The following ACSL1 variants were observed in gnomAD, a reference collection of about 807,000 sequenced individuals.
The protein encoded by ACSL1 is long-chain-fatty-acid--CoA ligase 1.
In ACSL1, 41 loss-of-function variants were observed where a neutral mutation model predicts 98.4. The ratio of observed to expected loss-of-function variants is 0.42; its 90% CI spans 0.32 to 0.54. The LOEUF is 0.54. ACSL1 is among the 20% of genes least tolerant of loss of function. The probability of loss-of-function intolerance (pLI) is 0.13; values close to 1 mark genes in which losing one functional copy is unlikely to be tolerated. For synonymous variants in ACSL1, 316 were observed against 322.7 expected, an observed-to-expected ratio of 0.98 and a Z score of 0.22; for missense variants, 734 against 883.1, an observed-to-expected ratio of 0.83 and a Z score of 2.14.
chr4:184,820,644 A>G (rs1177121002), intron 1 of ACSL1, among the ~76,000 whole-genome samples: 1 of 151,950 alleles, frequency 6.6e-6, no homozygotes, highest in East Asian at 1.9e-4. Flanking sequence ...TCACTCTGTC[A>G]CCCAGGCTGG....
Position 184,825,375 on chromosome 4 carries a change from G to T in ACSL1, c.-33+541C>A. 1 of 461,484 alleles carries T rather than the reference G, an allele frequency of 2.2e-6. No individual in the cohort carries two copies. 28.6% of individuals were successfully genotyped at this position (461,484 alleles called of 1,614,324 possible). On this transcript the variant is annotated intron_variant, in intron 1 of 20. Transcript: ENST00000281455. This position sits in a 1 kb window ranked among gnomAD's most constrained non-coding sequence, Gnocchi z 4.7. Reference sequence around the variant, plus strand: ...GTCACCGAGAGAATGTCTGCCTCTGGCAGCGGCCTCTGAGCTGCCTGTGGG... The same window carrying T: ...GTCACCGAGAGAATGTCTGCCTCTGTCAGCGGCCTCTGAGCTGCCTGTGGG...
chr4:184,800,762 C>T (rs1579939730), intron 2 of ACSL1, among the ~76,000 whole-genome samples: 1 of 152,186 alleles, frequency 6.6e-6, no homozygotes. Flanking sequence ...TTTTTGGATT[C>T]TGTTCCTAAC....
At chr4:184,819,618 C>T (rs552250774) in intron 1 of ACSL1, among the ~76,000 whole-genome samples, 54 of 152,188 alleles carry the variant, frequency 3.5e-4, no homozygotes, top group African/African-American at 1.2e-3. Flanking sequence ...GACCCATTAA[C>T]CCCATGCCGC....
chr4:184,768,480 T>G (rs1417608631), intron 11 of ACSL1, 30 bp from the exon 12 acceptor site: 27 of 1,598,304 alleles, frequency 1.7e-5, no homozygotes, highest in Non-Finnish European at 2.2e-5. Flanking sequence ...AACAAACATT[T>G]TATCACCACA....
chr4:184,788,751 G>A lies in ACSL1; in HGVS notation c.196-20C>T. 1 of 1,603,128 alleles carries A rather than the reference G, an allele frequency of 6.2e-7. No individual in the cohort carries two copies. The highest frequency in any genetic ancestry group is 8.5e-7 in the Non-Finnish European group (1 of 1,170,140). On this transcript the variant is annotated intron_variant, in intron 2 of 20. Transcript: ENST00000281455. The stretch of plus-strand genomic sequence containing the variant: ...ACTACCCTATCAAAAAAGAAAGGGG[G>A]GCAGGTTAGAAGGCAGTGAAACATC...
intron 14 of ACSL1, among the ~76,000 whole-genome samples, 167 bp from the exon 15 acceptor site, chr4:184,765,092 G>A (rs964957444): frequency 6.6e-6 from 1 of 152,100 alleles, no homozygotes; most frequent in South Asian, 2.1e-4. Flanking sequence ...TGTGCTTTAC[G>A]CCAACACCAG....
Position 184,825,801 on chromosome 4 carries a change from C to G in ACSL1, c.-33+115G>C, listed in dbSNP as rs1210440819. 2 of 149,418 alleles carry G rather than the reference C, an allele frequency of 1.3e-5. No homozygotes were observed. The highest frequency in any genetic ancestry group is 3.0e-5 in the Non-Finnish European group (2 of 66,934). 9.3% of individuals were successfully genotyped at this position (149,418 alleles called of 1,614,324 possible). A position where few individuals can be genotyped will look rare whatever the true frequency, so the allele number is the denominator to read the frequency against. On this transcript the variant is annotated intron_variant, in intron 1 of 20. Coordinates refer to ENST00000281455, the MANE Select transcript of ACSL1 (RefSeq NM_001995.5). The surrounding 1 kb of genome is among the most constrained non-coding windows in gnomAD (Gnocchi z 4.7). ...GAGCCTGGGGTGGCTCACGCGCCTC[C>G]GCGGCGGCCGCTGCTCCGGGCTCGG...
chr4:184,779,226 T>G (rs1008496197), intron 5 of ACSL1, among the ~76,000 whole-genome samples: 1 of 152,158 alleles, frequency 6.6e-6, no homozygotes, highest in Non-Finnish European at 1.5e-5. Flanking sequence ...GGGAGGTAAT[T>G]GAATCATGGG....
intron 5 of ACSL1, 71 bp downstream of exon 5, chr4:184,780,261 C>T (rs1766016836): frequency 2.5e-5 from 33 of 1,301,868 alleles, no homozygotes; most frequent in Non-Finnish European, 3.4e-5. Flanking sequence ...AATCTGGTCT[C>T]TAGCAGAAGT....
rs749162391 is a variant in ACSL1 at position 184,803,529 on chromosome 4, A to G, written c.-15T>C. 1.8e-5 allele frequency: 27 copies of G among 1,505,352 alleles called. No homozygotes were observed. Among genetic ancestry groups the G allele is most frequent in the Non-Finnish European group, 2.4e-5 (27 of 1,120,986 alleles). The allele number at this position is 1,505,352 out of a possible 1,614,324, so 93.2% of individuals were successfully genotyped here. A position where few individuals can be genotyped will look rare whatever the true frequency, so the allele number is the denominator to read the frequency against. On this transcript the variant is annotated 5_prime_UTR_variant, in exon 2 of 21. Transcript: ENST00000281455. This position sits in a 1 kb window ranked among gnomAD's most constrained non-coding sequence, Gnocchi z 4.8. The stretch of plus-strand genomic sequence containing the variant: ...TGGGCTTGCATTGTCCTGTGTTGAT[A>G]GTTCTCTAAGCTGAATTCTGTTGGG...
Position 184,825,119 on chromosome 4 carries a change from G to C in ACSL1, c.-33+797C>G, listed in dbSNP as rs1773363887. ...ACTCTTAATTATGCTCCATAACCTTGAAATTGGACTGAGTGGGGAAGGGGT... is the reference window on the plus strand; with the variant it reads ...ACTCTTAATTATGCTCCATAACCTTCAAATTGGACTGAGTGGGGAAGGGGT... On this transcript the variant is annotated intron_variant, in intron 1 of 20. Coordinates refer to ENST00000281455, the MANE Select transcript of ACSL1 (RefSeq NM_001995.5). This position sits in a 1 kb window ranked among gnomAD's most constrained non-coding sequence, Gnocchi z 4.7. 2.1e-6 allele frequency: 2 copies of C among 943,502 alleles called. No individual in the cohort carries two copies. The highest frequency in any genetic ancestry group is 5.4e-4 in the Middle Eastern group (1 of 1,854). 58.4% of individuals were successfully genotyped at this position (943,502 alleles called of 1,614,324 possible).
In ACSL1 at chr4:184,825,355, C is replaced by G. The variant is rs1179378807; in HGVS notation, c.-33+561G>C. 6.9e-6 allele frequency: 4 copies of G among 575,578 alleles called. No homozygotes were observed. The African/African-American group carries it at 8.1e-5, about 12-fold the overall frequency. The allele number at this position is 575,578 out of a possible 1,614,324, so 35.7% of individuals were successfully genotyped here. A position where few individuals can be genotyped will look rare whatever the true frequency, so the allele number is the denominator to read the frequency against. ...GCCACGGGCACTCCTCTGGAGTCAC[C>G]GAGAGAATGTCTGCCTCTGGCAGCG... On this transcript the variant is annotated intron_variant, in intron 1 of 20. Transcript: ENST00000281455. This position sits in a 1 kb window ranked among gnomAD's most constrained non-coding sequence, Gnocchi z 4.7.
intron 1 of ACSL1, among the ~76,000 whole-genome samples, chr4:184,815,758 G>A (rs958660662): frequency 3.9e-5 from 6 of 152,102 alleles, no homozygotes; most frequent in East Asian, 3.8e-4. Flanking sequence ...AGCCTCTCAC[G>A]AGTTTGGAGA....
chr4:184,788,537 A>G, intron 3 of ACSL1, 80 bp downstream of exon 3: 1 of 1,136,864 alleles, frequency 8.8e-7, no homozygotes, highest in Non-Finnish European at 1.3e-6. Flanking sequence ...AGATAGGAGC[A>G]AATGTGCATT....
intron 7 of ACSL1, among the ~76,000 whole-genome samples, chr4:184,774,852 A>G (rs778366334): frequency 5.9e-5 from 9 of 152,216 alleles, no homozygotes; most frequent in Non-Finnish European, 1.3e-4. Flanking sequence ...CCGATTAAGA[A>G]CAGGAACTAA....
intron 1 of ACSL1, among the ~76,000 whole-genome samples, chr4:184,812,500 C>T (rs1196051449): frequency 6.6e-6 from 1 of 152,168 alleles, no homozygotes; most frequent in Non-Finnish European, 1.5e-5. Context: ...TAGAGAACAT[C>T]TCCTGGCTGA....
At chr4:184,795,529 CCT>C (rs1319878608) in intron 2 of ACSL1, among the ~76,000 whole-genome samples, 1 of 152,160 alleles carries the variant, frequency 6.6e-6, no homozygotes, top group Non-Finnish European at 1.5e-5. Context: ...TAACAATCAA[CCT>C]CTTTCTTTCT....
chr4:184,777,080 T>G, intron 5 of ACSL1, 97 bp from the exon 6 acceptor site: 1 of 1,108,192 alleles, frequency 9.0e-7, no homozygotes, highest in South Asian at 1.4e-5. Context: ...TGAAAACATT[T>G]GACGCAGCAA....
rs1421152506 is a variant in ACSL1 at position 184,803,392 on chromosome 4, G to C, written c.123C>G (p.Thr41=). Residue 41 remains threonine (T), a synonymous_variant, in exon 2 of 21, where the codon ACC becomes ACG. Coordinates refer to ENST00000281455, the MANE Select transcript of ACSL1 (RefSeq NM_001995.5). The surrounding 1 kb of genome is among the most constrained non-coding windows in gnomAD (Gnocchi z 4.8). ...GTTTGGGTCTCGTGGCGTACCAGAAGGTGGTGAGTGCTGCAAAAGCTCCGA... is the reference window on the plus strand; with the variant it reads ...GTTTGGGTCTCGTGGCGTACCAGAACGTGGTGAGTGCTGCAAAAGCTCCGA... ...MGFGAFAALT[T]FWYATRPKPL... 6.2e-7 allele frequency: 1 copy of C among 1,613,838 alleles called. No individual in the cohort carries two copies. The highest frequency in any genetic ancestry group is 8.5e-7 in the Non-Finnish European group (1 of 1,179,960).
Sources: gnomAD v4.1 joint callset for allele counts (sites outside exome capture counted in the v4.1 genomes callset) on GRCh38, gnomAD v4.1.1 for gene constraint, Gnocchi (gnomAD v3.1) non-coding constraint, MANE v1.5 for transcripts, NCBI Gene and HGNC (gene_info 2026-07-23, HGNC 2026-07-21) for gene names.